Variants in CLVS1 observed in about 807,000 individuals in gnomAD.
CLVS1 encodes clavesin-1.
A neutral mutation model predicts 33.1 loss-of-function variants in CLVS1; 10 were observed. That is an observed-to-expected ratio of 0.30 (90% confidence interval 0.19 to 0.51). The LOEUF (loss-of-function observed/expected upper bound fraction) is 0.51, where lower values mean the gene tolerates loss of function less well. Among genes scored for constraint, CLVS1 ranks in the 20% least tolerant of loss-of-function variants. The probability of loss-of-function intolerance (pLI) is 0.97; values close to 1 mark genes in which losing one functional copy is unlikely to be tolerated. For synonymous variants in CLVS1, 163 were observed against 166.1 expected (o/e 0.98, Z 0.14); for missense variants, 343 against 433.4 (o/e 0.79, Z 1.85).
chr8:60,971,502 T>C, the CLVS1 span, among the ~76,000 whole-genome samples: 1 of 152,236 alleles, frequency 6.6e-6, no homozygotes, highest in African/African-American at 2.4e-5. Context: ...CTGCATAGTG[T>C]CTGTTTCTTC....
At chr8:61,289,500 T>C (rs1809902229) in intron 1 of CLVS1, among the ~76,000 whole-genome samples, 1 of 152,174 alleles carries the variant, frequency 6.6e-6, no homozygotes, top group Admixed American at 6.5e-5. Context: ...ATTTAATTGA[T>C]TTTTACTGAA....
At chr8:60,977,537 C>T in the CLVS1 span, among the ~76,000 whole-genome samples, 291 of 152,094 alleles carry the variant, frequency 1.9e-3, 1 homozygote, top group African/African-American at 6.4e-3. Flanking sequence ...TTGAAAAGTG[C>T]AAAAACTAAA....
At chr8:61,215,586 A>G (rs898156933) in intron 2 of CLVS1, among the ~76,000 whole-genome samples, 1 of 152,140 alleles carries the variant, frequency 6.6e-6, no homozygotes, top group Non-Finnish European at 1.5e-5. Flanking sequence ...TCATCAATCT[A>G]TAAACAGGAT....
At chr8:61,212,826 A>G (rs1051081806) in intron 2 of CLVS1, among the ~76,000 whole-genome samples, 1 of 152,178 alleles carries the variant, frequency 6.6e-6, no homozygotes, top group South Asian at 2.1e-4. Flanking sequence ...TGGGGCAGGA[A>G]GTAAACCTCA....
chr8:61,049,869 G>A, the CLVS1 span, among the ~76,000 whole-genome samples: 4 of 152,322 alleles, frequency 2.6e-5, no homozygotes, highest in African/African-American at 9.6e-5. Context: ...CTGAAACTGT[G>A]TTTCTATTAA....
intron 5 of CLVS1, among the ~76,000 whole-genome samples, chr8:61,468,735 A>AAGAAAG (rs1554578173): frequency 5.0e-5 from 7 of 138,740 alleles, no homozygotes; most frequent in African/African-American, 2.1e-4. Context: ...AAAAAAAAAA[A>AAGAAAG]AAAAGGTAGT....
At chr8:61,178,814 C>T (rs73251990) in intron 2 of CLVS1, among the ~76,000 whole-genome samples, 2,992 of 152,202 alleles carry the variant, frequency 0.02, 104 homozygotes, top group African/African-American at 0.068. Flanking sequence ...TCATCACCAC[C>T]AGGTCTGGCT....
At chr8:61,228,944 T>C (rs1434016318) in intron 2 of CLVS1, among the ~76,000 whole-genome samples, 1 of 152,232 alleles carries the variant, frequency 6.6e-6, no homozygotes, top group East Asian at 1.9e-4. Context: ...ATGTGGTAGT[T>C]CTATTTTTAA....
the CLVS1 span, among the ~76,000 whole-genome samples, chr8:61,030,840 A>C: frequency 6.6e-6 from 1 of 152,228 alleles, no homozygotes; most frequent in Non-Finnish European, 1.5e-5. Context: ...CAGGCAGAAC[A>C]GTAGAAAGGT....
chr8:61,409,289 T>C (rs777217118), intron 3 of CLVS1, among the ~76,000 whole-genome samples: 19 of 152,242 alleles, frequency 1.2e-4, no homozygotes, highest in Non-Finnish European at 2.2e-4. Flanking sequence ...TTTATTAGTT[T>C]CTTTGTCTTT....
intron 1 of CLVS1, among the ~76,000 whole-genome samples, chr8:61,121,071 C>A (rs1163362428): frequency 1.3e-5 from 2 of 151,916 alleles, no homozygotes; most frequent in Non-Finnish European, 2.9e-5. Flanking sequence ...GGTATAATCT[C>A]GTGGTGCGCC....
At chr8:61,040,242 C>A in the CLVS1 span, among the ~76,000 whole-genome samples, 3 of 143,630 alleles carry the variant, frequency 2.1e-5, no homozygotes, top group African/African-American at 8.5e-5. Context: ...TTCAGTTCAC[C>A]ATTGATGTGC....
At chr8:61,251,705 G>T (rs956547516) in intron 2 of CLVS1, among the ~76,000 whole-genome samples, 2 of 152,084 alleles carry the variant, frequency 1.3e-5, no homozygotes, top group Non-Finnish European at 2.9e-5. Flanking sequence ...TTGCATAGAG[G>T]TGTTTATAGT....
chr8:61,458,639 G>A, intron 5 of CLVS1, 97 bp downstream of exon 5: 1 of 768,850 alleles, frequency 1.3e-6, no homozygotes, highest in Non-Finnish European at 2.1e-6. Flanking sequence ...ACCTTTATGG[G>A]CAGAGAACTT....
chr8:61,302,471 C>T (rs1000991644), intron 2 of CLVS1, among the ~76,000 whole-genome samples: 1 of 152,088 alleles, frequency 6.6e-6, no homozygotes, highest in Admixed American at 6.6e-5. Flanking sequence ...TGAGAACATA[C>T]AATCCCTGCC....
At chr8:61,119,169 C>G (rs369947955) in intron 1 of CLVS1, among the ~76,000 whole-genome samples, 40 of 152,096 alleles carry the variant, frequency 2.6e-4, no homozygotes, top group African/African-American at 8.9e-4. Context: ...TTTAAAGTCT[C>G]TTTTATCAGA....
At chr8:61,088,859 TGGAGAGATCTC>T (rs1034430205) in intron 1 of CLVS1, among the ~76,000 whole-genome samples, 6 of 151,548 alleles carry the variant, frequency 4.0e-5, no homozygotes, top group African/African-American at 1.5e-4. Flanking sequence ...TGGAGTGCAG[TGGAGAGATCTC>T]GGCTCACTGC....
chr8:61,116,380 T>C (rs1011023474), intron 1 of CLVS1, among the ~76,000 whole-genome samples: 1 of 152,222 alleles, frequency 6.6e-6, no homozygotes, highest in African/African-American at 2.4e-5. Context: ...TTTAATTAGA[T>C]CCCATTTGTC....
At chr8:61,332,020 T>C (rs765501115) in intron 2 of CLVS1, among the ~76,000 whole-genome samples, 3 of 152,228 alleles carry the variant, frequency 2.0e-5, no homozygotes, top group Admixed American at 2.0e-4. Context: ...TTGAGGTTCA[T>C]GGTGGCATGG....
Sources: gnomAD v4.1 joint callset for allele counts (sites outside exome capture counted in the v4.1 genomes callset) on GRCh38, gnomAD v4.1.1 for gene constraint, MANE v1.5 for transcripts, NCBI Gene and HGNC (gene_info 2026-07-23, HGNC 2026-07-21) for gene names.